Variants in INO80D observed in about 807,000 individuals in gnomAD.
INO80D encodes the protein INO80 complex subunit D.
In INO80D, 21 loss-of-function variants were observed where a neutral mutation model predicts 87.6. That is an observed-to-expected ratio of 0.24 (90% CI 0.17 to 0.35). The LOEUF is 0.35. Ranked by LOEUF, INO80D falls within the 10% of genes least tolerant of loss-of-function variation. The probability of loss-of-function intolerance (pLI) is 1.00; values close to 1 mark genes in which losing one functional copy is unlikely to be tolerated. For missense variants in INO80D, 982 were observed against 1,280.7 expected, an observed-to-expected ratio of 0.77 and a Z score of 3.56; for synonymous variants, 440 against 491.0, an observed-to-expected ratio of 0.90 and a Z score of 1.37.
At chr2:206,022,659 A>T (rs1296843062) in intron 6 of INO80D, among the ~76,000 whole-genome samples, 1 of 152,184 alleles carries the variant, frequency 6.6e-6, no homozygotes, top group Non-Finnish European at 1.5e-5. Flanking sequence ...ACTCATCAAT[A>T]AATACGACAA....
chr2:205,994,013 TA>T lies in INO80D; in HGVS notation c.*10354del, dbSNP rs1318066212. 6.6e-6 allele frequency: 1 copy of T among 152,186 alleles called. No homozygotes were observed. The highest frequency in any genetic ancestry group is 1.5e-5 in the Non-Finnish European group (1 of 68,034). The allele number at this position is 152,186 out of a possible 1,614,324, so 9.4% of individuals were successfully genotyped here. A position where few individuals can be genotyped will look rare whatever the true frequency, so the allele number is the denominator to read the frequency against. ...AAAATGTGAGCCATCTCTTCTTGTT[TA>T]AAGGGAAATTACAAACCAAAAGTCA... On this transcript the variant is annotated 3_prime_UTR_variant, in exon 11 of 11. Coordinates refer to ENST00000403263, the MANE Select transcript of INO80D (RefSeq NM_017759.5).
chr2:206,041,983 T>C (rs1050038927), intron 5 of INO80D, among the ~76,000 whole-genome samples: 1 of 151,832 alleles, frequency 6.6e-6, no homozygotes, highest in Non-Finnish European at 1.5e-5. Flanking sequence ...AAAATTAAAA[T>C]TAGCCAGGTG....
chr2:206,046,884 G>A (rs1559451268), intron 4 of INO80D, among the ~76,000 whole-genome samples: 3 of 151,994 alleles, frequency 2.0e-5, no homozygotes, highest in East Asian at 2.0e-4. Flanking sequence ...CGGGTTCAGC[G>A]ATTCTCCTGT....
At chr2:206,077,233 G>A (rs532666774) in intron 1 of INO80D, among the ~76,000 whole-genome samples, 3 of 151,904 alleles carry the variant, frequency 2.0e-5, no homozygotes, top group East Asian at 3.9e-4. Context: ...CCAGCTACTC[G>A]GGAGGCTGAG....
intron 8 of INO80D, among the ~76,000 whole-genome samples, chr2:206,016,871 C>T (rs1050590604): frequency 1.3e-5 from 2 of 152,144 alleles, no homozygotes; most frequent in Non-Finnish European, 2.9e-5. Context: ...CTCCTCCTTG[C>T]CTTCCACCAT....
chr2:206,033,328 T>C (rs1688816710), intron 5 of INO80D, among the ~76,000 whole-genome samples: 1 of 152,170 alleles, frequency 6.6e-6, no homozygotes, highest in African/African-American at 2.4e-5. Context: ...AGATAGACCA[T>C]ATGCTAGACC....
Position 206,007,314 on chromosome 2 carries a change from C to G in INO80D, c.1888G>C (p.Asp630His). 6.2e-7 allele frequency: 1 copy of G among 1,613,346 alleles called. No homozygotes were observed. The highest frequency in any genetic ancestry group is 1.1e-5 in the South Asian group (1 of 90,876). The change falls in exon 10 of 11, where the codon GAT (aspartate) becomes CAT (histidine). Residue 630 changes from aspartate (D) to histidine (H), a missense_variant. Coordinates refer to ENST00000403263, the MANE Select transcript of INO80D (RefSeq NM_017759.5). ...AAAAAATCAAAATCTTGTAAGTCATCAGGTAGCCGTGGCAGGACATCTGAA... is the reference window on the plus strand; with the variant it reads ...AAAAAATCAAAATCTTGTAAGTCATGAGGTAGCCGTGGCAGGACATCTGAA... ...DFSDVLPRLPDDLQDFDFFEG... is the reference protein window; with the variant it reads ...DFSDVLPRLPHDLQDFDFFEG...
chr2:206,039,814 A>AGG (rs1688993990), intron 5 of INO80D, among the ~76,000 whole-genome samples: 1 of 148,950 alleles, frequency 6.7e-6, no homozygotes, highest in Non-Finnish European at 1.5e-5. Flanking sequence ...TGTCTCCAAA[A>AGG]AAAAAAAAAA....
intron 3 of INO80D, among the ~76,000 whole-genome samples, chr2:206,059,191 G>C (rs1689617983): frequency 1.3e-5 from 2 of 152,038 alleles, no homozygotes; most frequent in African/African-American, 4.8e-5. Context: ...GACCAGCCTG[G>C]CCAACGTGGT....
At chr2:206,079,897 G>A (rs903650621) in intron 1 of INO80D, among the ~76,000 whole-genome samples, 1 of 152,062 alleles carries the variant, frequency 6.6e-6, no homozygotes, top group Non-Finnish European at 1.5e-5. Flanking sequence ...ATACTCTTTT[G>A]TCCCTAAACT....
chr2:206,054,952 T>C (rs1689475653), intron 4 of INO80D, among the ~76,000 whole-genome samples: 1 of 152,188 alleles, frequency 6.6e-6, no homozygotes, highest in South Asian at 2.1e-4. Context: ...AGCCTATACA[T>C]ATATTTTAAA....
At chr2:206,081,274 G>A (rs922564240) in intron 1 of INO80D, among the ~76,000 whole-genome samples, 15 of 152,250 alleles carry the variant, frequency 9.9e-5, no homozygotes, top group Admixed American at 7.2e-4. Context: ...TGTTTCTGCT[G>A]TATGCATACA....
At chr2:206,018,486 T>A (rs73061913) in intron 7 of INO80D, among the ~76,000 whole-genome samples, 1 of 152,210 alleles carries the variant, frequency 6.6e-6, no homozygotes, top group Non-Finnish European at 1.5e-5. Flanking sequence ...AAGGAAAATT[T>A]TCTGCCTATG....
chr2:206,035,487 A>G (rs192087163), intron 5 of INO80D, among the ~76,000 whole-genome samples: 189 of 152,256 alleles, frequency 1.2e-3, no homozygotes, highest in African/African-American at 4.4e-3. Flanking sequence ...AACAAAGTGG[A>G]AAAAGAACAC....
intron 4 of INO80D, among the ~76,000 whole-genome samples, chr2:206,050,485 C>T (rs191316193): frequency 8.3e-6 from 1 of 121,042 alleles, no homozygotes; most frequent in East Asian, 2.4e-4. Context: ...GAGCAGGACT[C>T]CGTCTCAAAA....
In INO80D at chr2:205,998,228, A is replaced by G. The variant is rs1260959303; in HGVS notation, c.*6140T>C. On this transcript the variant is annotated 3_prime_UTR_variant, in exon 11 of 11. Transcript: ENST00000403263. ...TCTATGTATTTCTATGTACCCTGTA[A>G]CTAAGCTTCTAGCCATCTTAAGTGT... 6.6e-6 allele frequency: 1 copy of G among 152,172 alleles called. No homozygotes were observed. Among genetic ancestry groups the G allele is most frequent in the Non-Finnish European group, 1.5e-5 (1 of 68,014 alleles). 9.4% of individuals were successfully genotyped at this position (152,172 alleles called of 1,614,324 possible).
At chr2:206,028,500 G>C (rs1688677192) in intron 5 of INO80D, among the ~76,000 whole-genome samples, 165 bp from the exon 6 acceptor site, 1 of 152,200 alleles carries the variant, frequency 6.6e-6, no homozygotes, top group Non-Finnish European at 1.5e-5. Context: ...CAACAGAGCT[G>C]AACTAAGTAC....
At chr2:206,030,645 G>A (rs1559442779) in intron 5 of INO80D, among the ~76,000 whole-genome samples, 1 of 152,066 alleles carries the variant, frequency 6.6e-6, no homozygotes, top group African/African-American at 2.4e-5. Context: ...TAAGGTAAGG[G>A]GTCTGTAAGG....
chr2:206,079,088 T>C (rs748560114), intron 1 of INO80D, among the ~76,000 whole-genome samples: 26 of 152,136 alleles, frequency 1.7e-4, no homozygotes, highest in Non-Finnish European at 3.8e-4. Context: ...TTTTTTTTTT[T>C]CTGAGTTAAG....
Sources: gnomAD v4.1 joint callset for allele counts (sites outside exome capture counted in the v4.1 genomes callset) on GRCh38, gnomAD v4.1.1 for gene constraint, MANE v1.5 for transcripts, NCBI Gene and HGNC (gene_info 2026-07-23, HGNC 2026-07-21) for gene names.